The following SCP2 variants were observed in gnomAD, a reference collection of about 807,000 sequenced individuals.
SCP2 encodes SCP-2/3-oxoacyl-CoA thiolase.
Under a neutral mutation model 71.4 loss-of-function variants are expected in SCP2, and 48 were observed. The ratio of observed to expected loss-of-function variants is 0.67; its 90% CI spans 0.53 to 0.86. The LOEUF (loss-of-function observed/expected upper bound fraction) is 0.86, where lower values mean the gene tolerates loss of function less well. SCP2 is among the 40% of genes least tolerant of loss of function. The probability of loss-of-function intolerance (pLI) is 0.00; values close to 1 mark genes in which losing one functional copy is unlikely to be tolerated. For synonymous variants in SCP2, 220 were observed against 218.1 expected, an observed-to-expected ratio of 1.01 and a Z score of -0.08; for missense variants, 560 against 655.6, an observed-to-expected ratio of 0.85 and a Z score of 1.59.
intron 12 of SCP2, among the ~76,000 whole-genome samples, chr1:53,015,835 C>T (rs1293408103): frequency 6.6e-6 from 1 of 152,298 alleles, no homozygotes; most frequent in East Asian, 1.9e-4. Context: ...TTTTACCTCA[C>T]CACTGAGGTC....
chr1:53,001,906 T>C (rs6657985), intron 11 of SCP2, among the ~76,000 whole-genome samples: 131,519 of 152,214 alleles, frequency 0.86, 57,445 homozygotes, highest in Non-Finnish European at 0.93. Context: ...CTATTTAGGC[T>C]GGGTGCGGTG....
intron 6 of SCP2, among the ~76,000 whole-genome samples, chr1:52,971,510 A>C (rs1379390592): frequency 6.6e-6 from 1 of 152,242 alleles, no homozygotes; most frequent in Non-Finnish European, 1.5e-5. Context: ...CATGAGGCAG[A>C]TTAACAGGAG....
intron 3 of SCP2, among the ~76,000 whole-genome samples, chr1:52,950,302 A>G (rs1393105006): frequency 5.3e-5 from 8 of 151,894 alleles, no homozygotes; most frequent in African/African-American, 1.9e-4. Flanking sequence ...TTGTATTTTT[A>G]GTAGAGATGG....
intron 2 of SCP2, among the ~76,000 whole-genome samples, chr1:52,942,177 C>G (rs552558248): frequency 1.2e-4 from 19 of 152,252 alleles, no homozygotes; most frequent in African/African-American, 4.3e-4. Flanking sequence ...GGAGTTCTAA[C>G]AAAATTAGTG....
chr1:53,008,215 T>C (rs1468824710), intron 11 of SCP2, among the ~76,000 whole-genome samples: 1 of 152,190 alleles, frequency 6.6e-6, no homozygotes, highest in South Asian at 2.1e-4. Flanking sequence ...GAGGAGCTGG[T>C]ACCATTCCTT....
At chr1:52,958,007 A>C (rs1243089489) in intron 5 of SCP2, among the ~76,000 whole-genome samples, 1 of 150,430 alleles carries the variant, frequency 6.6e-6, no homozygotes, top group East Asian at 1.9e-4. Flanking sequence ...CAGTTGTCCT[A>C]GCACCATTTG....
At chr1:52,986,973 AT>A (rs1250277880) in intron 10 of SCP2, among the ~76,000 whole-genome samples, 6 of 120,060 alleles carry the variant, frequency 5.0e-5, no homozygotes, top group African/African-American at 1.2e-4. Flanking sequence ...GCTTTTTGTA[AT>A]TTTTTTCTTC....
chr1:52,983,601 C>G (rs865981653), intron 10 of SCP2, among the ~76,000 whole-genome samples: 1 of 152,118 alleles, frequency 6.6e-6, no homozygotes, highest in Admixed American at 6.5e-5. Context: ...ACTCATGAAC[C>G]ATTCTAATGA....
At chr1:53,042,753 T>A (rs1383513497) in intron 14 of SCP2, among the ~76,000 whole-genome samples, 3 of 152,222 alleles carry the variant, frequency 2.0e-5, no homozygotes, top group African/African-American at 7.2e-5. Flanking sequence ...ATGTACATAA[T>A]GTTAGGGGGT....
intron 12 of SCP2, among the ~76,000 whole-genome samples, chr1:53,026,890 A>G (rs1296855284): frequency 6.6e-6 from 1 of 151,804 alleles, no homozygotes; most frequent in Admixed American, 6.6e-5. Flanking sequence ...GGAGACATAC[A>G]TGAGAGGAGA....
At chr1:53,020,308 A>G (rs1661631341) in intron 12 of SCP2, among the ~76,000 whole-genome samples, 1 of 152,220 alleles carries the variant, frequency 6.6e-6, no homozygotes, top group African/African-American at 2.4e-5. Context: ...TATGTACTTT[A>G]GGGATCAGAA....
chr1:52,947,877 A>T, intron 2 of SCP2, 132 bp from the exon 3 acceptor site: 1 of 696,164 alleles, frequency 1.4e-6, no homozygotes, highest in Non-Finnish European at 2.6e-6. Flanking sequence ...TGATTTGATG[A>T]AGGATTTGTC....
intron 5 of SCP2, among the ~76,000 whole-genome samples, chr1:52,961,116 T>A (rs1346468681): frequency 1.3e-5 from 2 of 148,390 alleles, no homozygotes; most frequent in Non-Finnish European, 3.0e-5. Flanking sequence ...CTAGGGTACA[T>A]GTGCACAACG....
At chr1:52,935,388 C>T (rs1267084501) in intron 1 of SCP2, among the ~76,000 whole-genome samples, 1 of 151,436 alleles carries the variant, frequency 6.6e-6, no homozygotes, top group Non-Finnish European at 1.5e-5. Flanking sequence ...TCGAGACCAG[C>T]CTGGTCAACA....
intron 10 of SCP2, among the ~76,000 whole-genome samples, 190 bp downstream of exon 10, chr1:52,980,733 A>G (rs1572132378): frequency 5.9e-5 from 9 of 152,232 alleles, no homozygotes; most frequent in Admixed American, 5.2e-4. Flanking sequence ...TACCAACACT[A>G]AGATGATGGA....
At chr1:53,044,536 C>T (rs1370578174) in intron 14 of SCP2, among the ~76,000 whole-genome samples, 1 of 152,246 alleles carries the variant, frequency 6.6e-6, no homozygotes, top group East Asian at 1.9e-4. Context: ...CTGACAAGGG[C>T]TCTGCCCCCT....
intron 13 of SCP2, among the ~76,000 whole-genome samples, chr1:53,035,191 A>C (rs1021655965): frequency 5.9e-5 from 9 of 152,204 alleles, no homozygotes; most frequent in Admixed American, 3.3e-4. Context: ...GAAATAAAGA[A>C]GATAGGAAAT....
chr1:53,027,855 T>C, intron 12 of SCP2, 114 bp from the exon 13 acceptor site: 1 of 658,148 alleles, frequency 1.5e-6, no homozygotes, highest in South Asian at 1.6e-5. Flanking sequence ...GGATAAGATT[T>C]GCAACATCTC....
chr1:53,011,704 A>G (rs1344237012), intron 11 of SCP2, among the ~76,000 whole-genome samples: 2 of 152,228 alleles, frequency 1.3e-5, no homozygotes, highest in African/African-American at 2.4e-5. Context: ...CACTATCTCC[A>G]GGTAAATAGT....
Sources: allele counts gnomAD v4.1 joint callset (sites outside exome capture counted in the v4.1 genomes callset), GRCh38; gene constraint gnomAD v4.1.1; transcripts MANE v1.5; gene names NCBI Gene and HGNC (gene_info 2026-07-23, HGNC 2026-07-21).